Variants in FBXO36 observed in about 807,000 individuals in gnomAD.
FBXO36 encodes F-box protein 36, also known as F-box only protein 36.
In FBXO36, 18 loss-of-function variants were observed where a neutral mutation model predicts 17.0. The ratio of observed to expected loss-of-function variants is 1.06; its 90% CI spans 0.73 to 1.57. The LOEUF (loss-of-function observed/expected upper bound fraction) is 1.57. FBXO36 is among the 40% of genes most tolerant of loss of function. FBXO36 has a pLI of 0.00. For synonymous variants in FBXO36, 83 were observed against 85.3 expected (o/e 0.97, Z 0.15); for missense variants, 229 against 221.9 (o/e 1.03, Z -0.20).
Position 230,012,250 on chromosome 2 carries a change from C to T in FBXO36, c.*1366C>T, listed in dbSNP as rs1266541602. Reference sequence around the variant, plus strand: ...CCTAAGTCCTTCCAGAAGGGCTCTACAGCATGGCTTAGTGACATTAAAAAA... The same window carrying T: ...CCTAAGTCCTTCCAGAAGGGCTCTATAGCATGGCTTAGTGACATTAAAAAA... On this transcript the variant is annotated 3_prime_UTR_variant, in exon 4 of 4. Coordinates refer to ENST00000283946, the MANE Select transcript of FBXO36 (RefSeq NM_174899.5). 2 of 152,042 alleles carry T rather than the reference C, an allele frequency of 1.3e-5. No homozygotes were observed. Among genetic ancestry groups the T allele is most frequent in the African/African-American group, 4.8e-5 (2 of 41,382 alleles). The allele number at this position is 152,042 out of a possible 1,614,324, so 9.4% of individuals were successfully genotyped here. A position where few individuals can be genotyped will look rare whatever the true frequency, so the allele number is the denominator to read the frequency against.
At chr2:229,996,415 G>A (rs2077327671) in intron 2 of FBXO36, among the ~76,000 whole-genome samples, 1 of 152,148 alleles carries the variant, frequency 6.6e-6, no homozygotes, top group Admixed American at 6.5e-5. Flanking sequence ...TGCTTGGAGG[G>A]GCCATGAGTA....
intron 1 of FBXO36, among the ~76,000 whole-genome samples, chr2:229,951,983 A>G (rs2077059904): frequency 6.6e-6 from 1 of 152,138 alleles, no homozygotes; most frequent in African/African-American, 2.4e-5. Flanking sequence ...CATGGCTATA[A>G]CTTGGTGAAA....
intron 2 of FBXO36, among the ~76,000 whole-genome samples, chr2:229,977,541 C>T (rs1005000558): frequency 6.6e-6 from 1 of 152,076 alleles, no homozygotes; most frequent in South Asian, 2.1e-4. Context: ...ACCTCTACCT[C>T]CCAGGTTCAA....
chr2:229,944,221 G>T (rs1260175755), intron 1 of FBXO36, among the ~76,000 whole-genome samples: 1 of 152,110 alleles, frequency 6.6e-6, no homozygotes, highest in African/African-American at 2.4e-5. Flanking sequence ...CTCAAAGACT[G>T]CCACTTCTAT....
intron 1 of FBXO36, among the ~76,000 whole-genome samples, chr2:229,958,257 CTTTTTTTTT>C (rs1161188534): frequency 1.3e-5 from 1 of 78,682 alleles, no homozygotes; most frequent in African/African-American, 5.3e-5. Flanking sequence ...CTCTGACTTT[CTTTTTTTTT>C]TTTTTTTTTT....
chr2:229,980,939 A>G (rs1468214693), intron 2 of FBXO36, among the ~76,000 whole-genome samples: 1 of 152,098 alleles, frequency 6.6e-6, no homozygotes, highest in East Asian at 1.9e-4. Context: ...CTAAGGGGAA[A>G]ACTCCAAACC....
intron 1 of FBXO36, among the ~76,000 whole-genome samples, chr2:229,954,542 C>CTTTTT (rs1176794800): frequency 1.5e-4 from 12 of 78,798 alleles, no homozygotes; most frequent in Non-Finnish European, 1.7e-4. Context: ...TGCACCCGGC[C>CTTTTT]TTTTTTTTTT....
rs1043799935 is a variant in FBXO36 at position 230,007,816 on chromosome 2, G to A, written c.379-2880G>A. On this transcript the variant is annotated intron_variant, in intron 3 of 3. Transcript: ENST00000283946. ...TCACCATGTTGGCCAGGCTGTTCTCGAATTCCTGATGTCAAATAATCCACC... is the reference window on the plus strand; with the variant it reads ...TCACCATGTTGGCCAGGCTGTTCTCAAATTCCTGATGTCAAATAATCCACC... Among the ~76,000 whole-genome samples the A allele has an allele frequency of 6.6e-5, 10 of 151,890 alleles. 1 individual carries two copies. The highest frequency in any genetic ancestry group is 1.0e-4 in the Non-Finnish European group (7 of 67,986).
intron 1 of FBXO36, among the ~76,000 whole-genome samples, chr2:229,962,792 C>T (rs760570673): frequency 1.3e-4 from 20 of 151,672 alleles, no homozygotes; most frequent in Non-Finnish European, 2.1e-4. Flanking sequence ...ATTCTCCTGC[C>T]TCAGACTTCC....
At chr2:229,939,725 A>AG (rs1165324053) in intron 1 of FBXO36, among the ~76,000 whole-genome samples, 7 of 152,304 alleles carry the variant, frequency 4.6e-5, no homozygotes, top group African/African-American at 7.2e-5. Flanking sequence ...TGGTTCCCCA[A>AG]GGCTCCCTCT....
chr2:230,000,610 G>T (rs1428834289), intron 3 of FBXO36, among the ~76,000 whole-genome samples: 1 of 151,944 alleles, frequency 6.6e-6, no homozygotes, highest in African/African-American at 2.4e-5. Context: ...TTCTCACGCT[G>T]AGCGGCTGCC....
intron 3 of FBXO36, among the ~76,000 whole-genome samples, chr2:229,999,418 C>T (rs28821930): frequency 0.24 from 34,622 of 147,236 alleles, 4,176 homozygotes; most frequent in East Asian, 0.45. Context: ...TGAGCCACCG[C>T]GCCCGGCCTT....
At chr2:229,954,342 A>G (rs1425180911) in intron 1 of FBXO36, among the ~76,000 whole-genome samples, 2 of 139,424 alleles carry the variant, frequency 1.4e-5, no homozygotes, top group African/African-American at 5.2e-5. Context: ...CCCTGGGTTC[A>G]AGCAATTCTC....
intron 1 of FBXO36, among the ~76,000 whole-genome samples, chr2:229,923,485 G>T (rs1009843265): frequency 6.6e-6 from 1 of 152,114 alleles, no homozygotes; most frequent in Non-Finnish European, 1.5e-5. Context: ...ATGAAATTTA[G>T]AAGTTTGTAT....
chr2:229,998,298 T>G (rs1056366317), intron 3 of FBXO36, among the ~76,000 whole-genome samples: 5 of 151,894 alleles, frequency 3.3e-5, no homozygotes. Flanking sequence ...ATAGGGAGAT[T>G]CCATCTCCAC....
intron 2 of FBXO36, among the ~76,000 whole-genome samples, chr2:229,978,150 T>G (rs2077219732): frequency 6.6e-6 from 1 of 151,962 alleles, no homozygotes; most frequent in Admixed American, 6.6e-5. Context: ...TAGCTAGGTG[T>G]GGTGACACGT....
intron 1 of FBXO36, among the ~76,000 whole-genome samples, chr2:229,965,540 A>C (rs2077147787): frequency 6.0e-5 from 7 of 117,298 alleles, no homozygotes; most frequent in South Asian, 3.2e-4. Flanking sequence ...CAACCCCACA[A>C]CAGGCCCCAG....
intron 3 of FBXO36, among the ~76,000 whole-genome samples, chr2:230,007,702 C>T (rs189555657): frequency 2.1e-4 from 32 of 152,138 alleles, no homozygotes; most frequent in Admixed American, 9.2e-4. Flanking sequence ...CAGGTTCAAG[C>T]GATTCTCCCT....
chr2:229,932,835 C>G (rs1011694991), intron 1 of FBXO36: 2 of 265,132 alleles, frequency 7.5e-6, no homozygotes, highest in Non-Finnish European at 1.6e-5. Flanking sequence ...TTTGGGAGGC[C>G]GAGCCAGGTG....
Sources: allele counts gnomAD v4.1 joint callset (sites outside exome capture counted in the v4.1 genomes callset), GRCh38; gene constraint gnomAD v4.1.1; transcripts MANE v1.5; gene names NCBI Gene and HGNC (gene_info 2026-07-23, HGNC 2026-07-21).